PLEKHG1: variants seen among roughly 807,000 people sequenced by gnomAD.
The protein encoded by PLEKHG1 is pleckstrin homology domain-containing family G member 1.
Under a neutral mutation model 100.8 loss-of-function variants are expected in PLEKHG1, and 44 were observed. The ratio of observed to expected loss-of-function variants is 0.44; its 90% CI spans 0.34 to 0.56. PLEKHG1 has a LOEUF of 0.56. Ranked by LOEUF, PLEKHG1 falls within the 20% of genes least tolerant of loss-of-function variation. The probability of loss-of-function intolerance (pLI) is 0.01; values close to 1 mark genes in which losing one functional copy is unlikely to be tolerated. For synonymous variants in PLEKHG1, 640 were observed against 662.5 expected (o/e 0.97, Z 0.52); for missense variants, 1,545 against 1,720.9 (o/e 0.90, Z 1.81).
intron 3 of PLEKHG1, among the ~76,000 whole-genome samples, chr6:150,679,258 G>T (rs182931337): frequency 3.3e-5 from 5 of 152,084 alleles, no homozygotes; most frequent in African/African-American, 9.7e-5. Context: ...ATAATTTAAC[G>T]TAAGTTGTAA....
intron 3 of PLEKHG1, among the ~76,000 whole-genome samples, chr6:150,674,682 T>TCTCTCCC (rs1455673564): frequency 9.6e-6 from 1 of 104,234 alleles, no homozygotes; most frequent in Non-Finnish European, 2.0e-5. Context: ...TCTCTCTCTC[T>TCTCTCCC]CCCCCCTCTT....
At chr6:150,678,100 A>ATATATG (rs1779824222) in intron 3 of PLEKHG1, among the ~76,000 whole-genome samples, 1 of 135,016 alleles carries the variant, frequency 7.4e-6, no homozygotes, top group Non-Finnish European at 1.6e-5. Flanking sequence ...ATATATATAT[A>ATATATG]TATGTTGTGG....
At chr6:150,807,253 T>C (rs1787176461) in intron 7 of PLEKHG1, among the ~76,000 whole-genome samples, 1 of 152,234 alleles carries the variant, frequency 6.6e-6, no homozygotes, top group Non-Finnish European at 1.5e-5. Flanking sequence ...AGGTCAATAC[T>C]ATCCCCAGTT....
intron 3 of PLEKHG1, among the ~76,000 whole-genome samples, chr6:150,654,772 G>T (rs1269828278): frequency 1.3e-5 from 2 of 152,216 alleles, no homozygotes; most frequent in African/African-American, 4.8e-5. Flanking sequence ...GCTAATAGAA[G>T]AATGATTGGT....
At chr6:150,705,803 C>T (rs1327477016) in intron 3 of PLEKHG1, among the ~76,000 whole-genome samples, 1 of 152,098 alleles carries the variant, frequency 6.6e-6, no homozygotes, top group Non-Finnish European at 1.5e-5. Context: ...TCTACAAATC[C>T]TCTTGGAGGC....
chr6:150,650,938 G>A (rs1043679436), intron 3 of PLEKHG1, 152 bp downstream of exon 2: 2 of 152,104 alleles, frequency 1.3e-5, no homozygotes, highest in African/African-American at 4.8e-5. Flanking sequence ...CCTTATCTGT[G>A]GGGAATATGT....
chr6:150,674,632 C>T (rs12190418), intron 3 of PLEKHG1, among the ~76,000 whole-genome samples: 18,333 of 64,798 alleles, frequency 0.28, 2,892 homozygotes, highest in South Asian at 0.34. Flanking sequence ...CTCTCTCCTC[C>T]CTCTCTCTCT....
intron 1 of PLEKHG1, among the ~76,000 whole-genome samples, chr6:150,722,903 A>C (rs1781773068): frequency 6.6e-6 from 1 of 152,180 alleles, no homozygotes; most frequent in African/African-American, 2.4e-5. Context: ...TTTTACACTA[A>C]CAGGAAGGTA....
At chr6:150,635,346 G>A (rs1369210463) in intron 1 of PLEKHG1, among the ~76,000 whole-genome samples, 1 of 152,020 alleles carries the variant, frequency 6.6e-6, no homozygotes, top group Non-Finnish European at 1.5e-5. Flanking sequence ...AATCTTAATA[G>A]TCTTCTAATT....
Position 150,824,827 on chromosome 6 carries a change from G to A in PLEKHG1, c.1470+1151G>A, listed in dbSNP as rs954277087. Among the ~76,000 whole-genome samples the A allele has an allele frequency of 2.0e-5, 3 of 152,146 alleles. No individual in the cohort carries two copies. In the East Asian group the frequency reaches 5.8e-4, roughly 29 times the overall value. On this transcript the variant is annotated intron_variant, in intron 14 of 15. Coordinates refer to ENST00000358517, the Ensembl canonical transcript of PLEKHG1. Reference sequence around the variant, plus strand: ...TTACAGGCATGAACCACCACACCCGGCTGAACATAATCTTACCTTTAAGTG... The same window carrying A: ...TTACAGGCATGAACCACCACACCCGACTGAACATAATCTTACCTTTAAGTG...
chr6:150,673,954 C>A (rs140555652), intron 3 of PLEKHG1, among the ~76,000 whole-genome samples: 10 of 152,256 alleles, frequency 6.6e-5, no homozygotes, highest in African/African-American at 2.4e-4. Flanking sequence ...CGTGTGCCAC[C>A]GCGCTCACCC....
At chr6:150,796,526 T>C (rs555978699) in intron 5 of PLEKHG1, among the ~76,000 whole-genome samples, 2 of 152,362 alleles carry the variant, frequency 1.3e-5, no homozygotes, top group South Asian at 4.1e-4. Flanking sequence ...GATGATGGGC[T>C]ACAACGGTAG....
rs1303835261 is a variant in PLEKHG1 at position 150,750,071 on chromosome 6, C to CAA, written c.411+15988_411+15989dup. On this transcript the variant is annotated intron_variant, in intron 2 of 15. Transcript: ENST00000358517. ...TGGGTGACAGAGCAAGACTCTGTCT[C>CAA]AAAAAAAAAAGAAAATATCTACTAG... Among the ~76,000 whole-genome samples, 30 of 129,926 alleles carry CAA rather than the reference C, an allele frequency of 2.3e-4. 1 individual carries two copies. The highest frequency in any genetic ancestry group is 8.6e-4 in the African/African-American group (28 of 32,386). 85.2% of individuals were successfully genotyped at this position (129,926 alleles called of 152,430 possible).
intron 1 of PLEKHG1, among the ~76,000 whole-genome samples, chr6:150,725,209 G>C (rs1441316422): frequency 6.6e-6 from 1 of 152,128 alleles, no homozygotes; most frequent in Non-Finnish European, 1.5e-5. Context: ...GAGCAAACAA[G>C]CTCCCTCTGT....
chr6:150,722,632 G>C (rs925772677), intron 1 of PLEKHG1, among the ~76,000 whole-genome samples: 1 of 152,128 alleles, frequency 6.6e-6, no homozygotes, highest in Non-Finnish European at 1.5e-5. Flanking sequence ...GATTACAGGC[G>C]TGAGCCACTG....
chr6:150,750,071 C>CAGAAAA (rs1748516003), intron 2 of PLEKHG1, among the ~76,000 whole-genome samples: 1 of 129,896 alleles, frequency 7.7e-6, no homozygotes, highest in Non-Finnish European at 1.6e-5. Flanking sequence ...GACTCTGTCT[C>CAGAAAA]AAAAAAAAAA....
chr6:150,822,108 T>C (rs1364162793), intron 13 of PLEKHG1, among the ~76,000 whole-genome samples: 2 of 123,820 alleles, frequency 1.6e-5, no homozygotes, highest in African/African-American at 6.3e-5. Context: ...CCCAAAGTGC[T>C]GGGATTACAG....
chr6:150,768,764 C>A, intron 3 of PLEKHG1, 26 bp downstream of exon 4: 1 of 1,269,752 alleles, frequency 7.9e-7, no homozygotes, highest in Non-Finnish European at 1.2e-6. Context: ...AAAGATTGTT[C>A]TCACATACGA....
chr6:150,733,460 C>T, intron 1 of PLEKHG1, 124 bp from the exon 3 acceptor site: 1 of 757,652 alleles, frequency 1.3e-6, no homozygotes, highest in Non-Finnish European at 2.0e-6. Context: ...ACCTTTGCAT[C>T]CCTTCTGTAA....
Sources: gnomAD v4.1 joint callset for allele counts (sites outside exome capture counted in the v4.1 genomes callset) on GRCh38, gnomAD v4.1.1 for gene constraint, MANE v1.5 for transcripts, NCBI Gene and HGNC (gene_info 2026-07-23, HGNC 2026-07-21) for gene names.